OPCML: variants seen among roughly 807,000 people sequenced by gnomAD.
OPCML encodes opioid binding protein/cell adhesion molecule like, also known as opioid-binding protein/cell adhesion molecule.
OPCML carries 13 observed loss-of-function variants against 37.8 expected under a neutral mutation model. The observed-to-expected ratio is 0.34, with a 90% CI of 0.22 to 0.55. The LOEUF is 0.55. Ranked by LOEUF, OPCML falls within the 20% of genes least tolerant of loss-of-function variation. The pLI is 0.91. For missense variants in OPCML, 341 were observed against 435.6 expected, an observed-to-expected ratio of 0.78 and a Z score of 1.93; for synonymous variants, 176 against 168.8, an observed-to-expected ratio of 1.04 and a Z score of -0.33.
chr11:132,422,137 A>G (rs1244274302), intron 7 of OPCML, among the ~76,000 whole-genome samples: 1 of 152,126 alleles, frequency 6.6e-6, no homozygotes, highest in East Asian at 1.9e-4. Flanking sequence ...GTATATATAT[A>G]TGTCTTTGTC....
chr11:133,218,289 G>A (rs555166244), intron 1 of OPCML, among the ~76,000 whole-genome samples: 4 of 152,190 alleles, frequency 2.6e-5, no homozygotes, highest in African/African-American at 7.2e-5. Flanking sequence ...TCAAGTTCCC[G>A]AGACACCAAT....
At chr11:133,117,465 A>G (rs929359687) in intron 1 of OPCML, among the ~76,000 whole-genome samples, 3 of 152,220 alleles carry the variant, frequency 2.0e-5, no homozygotes, top group Non-Finnish European at 4.4e-5. Context: ...TGAAGGGACC[A>G]AAGCGAATTG....
chr11:132,463,578 T>C (rs75141921), intron 4 of OPCML, among the ~76,000 whole-genome samples: 21 of 152,174 alleles, frequency 1.4e-4, no homozygotes, highest in African/African-American at 3.4e-4. Context: ...ACTGCAAGGA[T>C]TGAGAGGAGC....
chr11:132,856,444 G>C (rs1011231017), intron 2 of OPCML, among the ~76,000 whole-genome samples: 1 of 152,166 alleles, frequency 6.6e-6, no homozygotes, highest in Non-Finnish European at 1.5e-5. Context: ...AATGTCAGGT[G>C]TCTATCAGGT....
intron 1 of OPCML, among the ~76,000 whole-genome samples, chr11:133,488,598 T>G (rs1947583857): frequency 1.3e-5 from 2 of 152,078 alleles, no homozygotes; most frequent in Admixed American, 6.6e-5. Flanking sequence ...TAGATGACAC[T>G]AATAAATGGA....
At chr11:132,437,412 C>G (rs2096016970) in intron 4 of OPCML, 53 bp from the exon 5 acceptor site, 3 of 1,598,054 alleles carry the variant, frequency 1.9e-6, no homozygotes, top group Non-Finnish European at 2.6e-6. Flanking sequence ...TAACCAGGGA[C>G]AGAACCATAT....
At chr11:133,151,607 C>T (rs944887854) in intron 1 of OPCML, among the ~76,000 whole-genome samples, 4 of 152,066 alleles carry the variant, frequency 2.6e-5, no homozygotes, top group African/African-American at 9.7e-5. Flanking sequence ...TCTAATTTTT[C>T]AGTTAAGGAG....
chr11:133,247,512 TTTC>T (rs1385336734), intron 1 of OPCML, among the ~76,000 whole-genome samples: 1 of 130,196 alleles, frequency 7.7e-6, no homozygotes, highest in Non-Finnish European at 1.7e-5. Context: ...TAACTGAAGT[TTTC>T]TTTTTTCTTT....
intron 2 of OPCML, among the ~76,000 whole-genome samples, chr11:132,826,049 C>G (rs35203783): frequency 0.069 from 10,506 of 152,266 alleles, 407 homozygotes; most frequent in Non-Finnish European, 0.081. Flanking sequence ...GGTGCAAAGA[C>G]GTGGCTACTG....
At chr11:133,436,381 T>C (rs1031315212) in intron 1 of OPCML, among the ~76,000 whole-genome samples, 16 of 152,344 alleles carry the variant, frequency 1.1e-4, no homozygotes, top group Non-Finnish European at 2.1e-4. Context: ...CCATCTTTTG[T>C]GATCGGTCCC....
At chr11:132,655,790 C>G (rs1941675563) in intron 3 of OPCML, among the ~76,000 whole-genome samples, 1 of 151,592 alleles carries the variant, frequency 6.6e-6, no homozygotes, top group African/African-American at 2.4e-5. Flanking sequence ...ATGCAAGTGA[C>G]TGAAGCATGA....
At chr11:133,365,053 C>CAT (rs1316460420) in intron 1 of OPCML, among the ~76,000 whole-genome samples, 2 of 59,348 alleles carry the variant, frequency 3.4e-5, no homozygotes, top group Non-Finnish European at 7.1e-5. Flanking sequence ...CTCTTTCACA[C>CAT]ACACACACAC....
chr11:133,483,820 G>GATAGATAGATAGATAGATAA (rs1344805440), intron 1 of OPCML, among the ~76,000 whole-genome samples: 2,554 of 149,614 alleles, frequency 0.017, 62 homozygotes, highest in African/African-American at 0.054. Context: ...TAGATAGATA[G>GATAGATAGATAGATAGATAA]ATAGATAGGA....
intron 3 of OPCML, among the ~76,000 whole-genome samples, chr11:132,574,967 T>G (rs1170151448): frequency 6.6e-6 from 1 of 152,050 alleles, no homozygotes; most frequent in Non-Finnish European, 1.5e-5. Context: ...ATATTTATTA[T>G]GTAAATATAT....
intron 2 of OPCML, among the ~76,000 whole-genome samples, chr11:132,818,486 A>G (rs1048639620): frequency 2.0e-4 from 31 of 151,792 alleles, no homozygotes; most frequent in African/African-American, 7.5e-4. Flanking sequence ...GAACTGCAGC[A>G]TCAGCTTTTT....
intron 1 of OPCML, among the ~76,000 whole-genome samples, chr11:133,342,682 C>T (rs1267902412): frequency 6.6e-6 from 1 of 152,156 alleles, no homozygotes; most frequent in Non-Finnish European, 1.5e-5. Context: ...CTCCAGTCTC[C>T]TGCCCTGTGT....
At chr11:132,457,342 G>T (rs1202816908) in intron 4 of OPCML, among the ~76,000 whole-genome samples, 2 of 152,178 alleles carry the variant, frequency 1.3e-5, no homozygotes, top group Admixed American at 6.5e-5. Context: ...CATCTACTCT[G>T]CTCTTAAGAC....
intron 3 of OPCML, among the ~76,000 whole-genome samples, chr11:132,583,696 A>G (rs1290357723): frequency 2.0e-5 from 3 of 152,000 alleles, no homozygotes; most frequent in African/African-American, 7.2e-5. Flanking sequence ...AGCTCACTGC[A>G]ACCTCCTCCT....
At chr11:132,811,222 C>G (rs781075568) in intron 2 of OPCML, among the ~76,000 whole-genome samples, 6 of 152,204 alleles carry the variant, frequency 3.9e-5, no homozygotes, top group Non-Finnish European at 8.8e-5. Flanking sequence ...GGTTGGGAAA[C>G]AGGGAATGTG....
Sources: allele counts gnomAD v4.1 joint callset (sites outside exome capture counted in the v4.1 genomes callset), GRCh38; gene constraint gnomAD v4.1.1; transcripts MANE v1.5; gene names NCBI Gene and HGNC (gene_info 2026-07-23, HGNC 2026-07-21).